NAV3: variants seen among roughly 807,000 people sequenced by gnomAD.
The protein encoded by NAV3 is pore membrane and/or filament interacting like protein 1.
NAV3 carries 87 observed loss-of-function variants against 244.7 expected under a neutral mutation model. The observed-to-expected ratio is 0.36, with a 90% CI of 0.30 to 0.42. The LOEUF is 0.42. Ranked by LOEUF, NAV3 falls within the 20% of genes least tolerant of loss-of-function variation. The pLI is 1.00. For missense variants in NAV3, 2,663 were observed against 2,893.3 expected, an observed-to-expected ratio of 0.92 and a Z score of 1.83; for synonymous variants, 1,126 against 1,042.2, an observed-to-expected ratio of 1.08 and a Z score of -1.55.
At position 78,190,168 on chromosome 12, in the gene NAV3, A is replaced by T; in HGVS notation, c.6240A>T (p.Lys2080Asn). Residue 2080 changes from lysine to asparagine, a missense_variant, in exon 34 of 40, where the codon AAA becomes AAT. Physicochemically the swap from Lys to Asn is moderately conservative, Grantham distance 94. Around this residue, in one of 6 missense-constraint regions of NAV3, gnomAD observed 543 missense variants for 672.4 expected, o/e 0.81. Transcript: ENST00000397909. ...ATGTAATAACCAAATCTGGAAGGAA[A>T]AAAACAGAGGATGCAATTGCCACTT... ...AEYVITKSGR[K>N]KTEDAIATFN... is the part of the protein sequence containing the mutation. The T allele has an allele frequency of 1.2e-6, 2 of 1,612,946 alleles. No homozygotes were observed. Among genetic ancestry groups the T allele is most frequent in the South Asian group, 2.2e-5 (2 of 91,050 alleles).
chr12:77,597,876 G>C (rs1870240612), intron 2 of NAV3, among the ~76,000 whole-genome samples: 1 of 152,024 alleles, frequency 6.6e-6, no homozygotes, highest in African/African-American at 2.4e-5. Context: ...TTATGGTGGA[G>C]ACAGTCTTAA....
intron 1 of NAV3, among the ~76,000 whole-genome samples, chr12:77,850,029 C>T (rs942009133): frequency 4.2e-4 from 64 of 152,228 alleles, no homozygotes; most frequent in African/African-American, 1.3e-3. Flanking sequence ...GTGTCCTAAG[C>T]GTCCCATTTA....
chr12:77,748,061 T>G (rs1188686285), intron 2 of NAV3, among the ~76,000 whole-genome samples: 1 of 152,154 alleles, frequency 6.6e-6, no homozygotes, highest in Non-Finnish European at 1.5e-5. Context: ...AAAATTGATT[T>G]TAAGTCTTAA....
At chr12:77,733,832 A>G (rs2137355721) in intron 2 of NAV3, among the ~76,000 whole-genome samples, 1 of 119,512 alleles carries the variant, frequency 8.4e-6, no homozygotes, top group Non-Finnish European at 1.7e-5. Context: ...GACTTGGTTT[A>G]GATTTTTTTT....
At chr12:78,082,577 T>C (rs923497957) in intron 12 of NAV3, among the ~76,000 whole-genome samples, 4 of 151,960 alleles carry the variant, frequency 2.6e-5, no homozygotes, top group Non-Finnish European at 5.9e-5. Flanking sequence ...CACTGTGTGA[T>C]ATAGCCCCCC....
chr12:77,901,618 G>A (rs927201386), intron 1 of NAV3, among the ~76,000 whole-genome samples: 12 of 152,282 alleles, frequency 7.9e-5, no homozygotes, highest in African/African-American at 2.2e-4. Flanking sequence ...GCTGAGGCAC[G>A]AGAATCACTT....
intron 1 of NAV3, among the ~76,000 whole-genome samples, chr12:77,902,723 T>C (rs1209808884): frequency 2.6e-5 from 4 of 152,176 alleles, no homozygotes; most frequent in African/African-American, 7.2e-5. Flanking sequence ...GCAGATGACA[T>C]GATTGTATAT....
At position 77,871,803 on chromosome 12, in the gene NAV3, A is replaced by C. The variant is rs1392437162; in HGVS notation, c.243+40099A>C. 2.0e-5 allele frequency among the ~76,000 whole-genome samples: 3 copies of C among 152,216 alleles called. No homozygotes were observed. The East Asian group carries it at 5.8e-4, about 29-fold the overall frequency. On this transcript the variant is annotated intron_variant, in intron 1 of 39. Coordinates refer to ENST00000397909, the MANE Select transcript of NAV3 (RefSeq NM_001024383.2). ...TTGATAATCCATTGGGTACGTACCCAGTAATGGCATTGCTGGGTCAAATGG... is the reference window on the plus strand; with the variant it reads ...TTGATAATCCATTGGGTACGTACCCCGTAATGGCATTGCTGGGTCAAATGG...
chr12:78,204,176 G>A (rs959874789), intron 38 of NAV3, among the ~76,000 whole-genome samples: 3 of 151,860 alleles, frequency 2.0e-5, no homozygotes, highest in African/African-American at 7.3e-5. Context: ...GACACAGGAA[G>A]GGGAACATCA....
chr12:78,109,133 C>T (rs1954954842), intron 12 of NAV3, among the ~76,000 whole-genome samples: 1 of 151,692 alleles, frequency 6.6e-6, no homozygotes, highest in Admixed American at 6.6e-5. Flanking sequence ...ACAACAGATG[C>T]CACAGAAATA....
chr12:77,675,163 T>C (rs1376331858), intron 2 of NAV3, among the ~76,000 whole-genome samples: 1 of 152,170 alleles, frequency 6.6e-6, no homozygotes, highest in Non-Finnish European at 1.5e-5. Flanking sequence ...AAATGTAGCA[T>C]TTTACATTGT....
intron 2 of NAV3, among the ~76,000 whole-genome samples, chr12:77,797,667 C>A (rs1443133461): frequency 1.3e-5 from 2 of 150,198 alleles, no homozygotes; most frequent in African/African-American, 4.9e-5. Flanking sequence ...ATGGTGAAAC[C>A]CCGTCTCTAC....
chr12:77,778,572 A>T (rs969169498), intron 2 of NAV3, among the ~76,000 whole-genome samples: 1 of 150,390 alleles, frequency 6.6e-6, no homozygotes, highest in Non-Finnish European at 1.5e-5. Context: ...AGATCGCGCC[A>T]CTGCACTCCA....
At chr12:77,883,632 G>A (rs553425970) in intron 1 of NAV3, among the ~76,000 whole-genome samples, 8 of 152,078 alleles carry the variant, frequency 5.3e-5, no homozygotes, top group Non-Finnish European at 7.4e-5. Context: ...TTCTTCTAAC[G>A]TATTTACTAA....
intron 1 of NAV3, among the ~76,000 whole-genome samples, chr12:77,926,611 T>G (rs767269083): frequency 2.0e-5 from 3 of 152,224 alleles, no homozygotes; most frequent in Admixed American, 2.0e-4. Context: ...CTCTTGTAAT[T>G]TGTGAACAGC....
chr12:77,633,854 C>A (rs1264209571), intron 2 of NAV3, among the ~76,000 whole-genome samples: 1 of 151,998 alleles, frequency 6.6e-6, no homozygotes, highest in Non-Finnish European at 1.5e-5. Context: ...AAAATTGCAT[C>A]GAATTCATGT....
chr12:78,031,651 C>T (rs1048506077), intron 9 of NAV3, among the ~76,000 whole-genome samples: 3 of 146,834 alleles, frequency 2.0e-5, no homozygotes, highest in Admixed American at 7.0e-5. Flanking sequence ...AACCAAGCAC[C>T]GCATATTCTC....
intron 3 of NAV3, among the ~76,000 whole-genome samples, chr12:77,951,528 G>A (rs967479312): frequency 6.6e-6 from 1 of 152,014 alleles, no homozygotes; most frequent in African/African-American, 2.4e-5. Flanking sequence ...TCAAGGATCT[G>A]GAACTAGAAA....
chr12:78,177,141 C>T lies in NAV3; in HGVS notation c.5125C>T (p.Leu1709=). 6.2e-7 allele frequency: 1 copy of T among 1,613,250 alleles called. No individual in the cohort carries two copies. Among genetic ancestry groups the T allele is most frequent in the Non-Finnish European group, 8.5e-7 (1 of 1,179,496 alleles). Residue 1709 remains leucine, a splice_region_variant and synonymous_variant, in exon 27 of 40, where the codon CTG becomes TTG. Transcript: ENST00000397909. ...KNWVNSRGSE[L]RSSFKQAFGK... The stretch of plus-strand genomic sequence containing the variant: ...AGGGTAATTTCTGTCCTTGTTTCAG[C>T]TGAGAAGTTCTTTCAAACAAGCCTT...
Sources: gnomAD v4.1 joint callset for allele counts (sites outside exome capture counted in the v4.1 genomes callset) on GRCh38, gnomAD v4.1.1 for gene constraint, gnomAD v4.1.1 regional missense constraint, MANE v1.5 for transcripts, NCBI Gene and HGNC (gene_info 2026-07-23, HGNC 2026-07-21) for gene names.